Variants in PCCA observed in about 807,000 individuals in gnomAD.
The protein encoded by PCCA is propionyl-CoA carboxylase subunit alpha.
A neutral mutation model predicts 101.3 loss-of-function variants in PCCA; 74 were observed. The ratio of observed to expected loss-of-function variants is 0.73; its 90% CI spans 0.61 to 0.89. The LOEUF is 0.89. Among genes scored for constraint, PCCA ranks in the 40% least tolerant of loss-of-function variants. The probability of loss-of-function intolerance (pLI) is 0.00; values close to 1 mark genes in which losing one functional copy is unlikely to be tolerated. For missense variants in PCCA, 891 were observed against 907.0 expected (o/e 0.98, Z 0.23); for synonymous variants, 294 against 313.6 (o/e 0.94, Z 0.66).
At chr13:100,486,616 C>T (rs1596129820) in intron 21 of PCCA, among the ~76,000 whole-genome samples, 2 of 152,244 alleles carry the variant, frequency 1.3e-5, no homozygotes, top group East Asian at 3.9e-4. Flanking sequence ...CTTTGTTTTA[C>T]AAACACAAAG....
intron 4 of PCCA, among the ~76,000 whole-genome samples, chr13:100,130,976 T>C (rs1270971333): frequency 6.6e-6 from 1 of 152,204 alleles, no homozygotes; most frequent in Non-Finnish European, 1.5e-5. Flanking sequence ...TGTGGTAAAG[T>C]ATACATAACA....
intron 18 of PCCA, among the ~76,000 whole-genome samples, chr13:100,356,723 A>C (rs1336155031): frequency 6.6e-6 from 1 of 152,222 alleles, no homozygotes; most frequent in African/African-American, 2.4e-5. Flanking sequence ...GTATATACCC[A>C]AGGGAAATGA....
chr13:100,296,847 A>T (rs1013534083), intron 12 of PCCA, among the ~76,000 whole-genome samples: 3 of 152,180 alleles, frequency 2.0e-5, no homozygotes, highest in Non-Finnish European at 4.4e-5. Flanking sequence ...TTTAGGGACT[A>T]TATTCAAATT....
In PCCA at chr13:100,287,187, T is replaced by A. The variant is rs575906831; in HGVS notation, c.1065+13841T>A. 3.3e-5 allele frequency among the ~76,000 whole-genome samples: 5 copies of A among 152,276 alleles called. No homozygotes were observed. In the East Asian group the frequency reaches 9.6e-4, roughly 29 times the overall value. On this transcript the variant is annotated intron_variant, in intron 12 of 23. Coordinates refer to ENST00000376285, the MANE Select transcript of PCCA (RefSeq NM_000282.4). ...ACCTATTACTTCACTCTTCTTTTTT[T>A]AATTTTTCTGCTTATTCATCTCCTA...
chr13:100,390,316 G>A (rs996990880), intron 19 of PCCA, among the ~76,000 whole-genome samples: 5 of 152,114 alleles, frequency 3.3e-5, no homozygotes, highest in Non-Finnish European at 5.9e-5. Context: ...GAGAGGTTAC[G>A]TCTAGAGAAA....
intron 23 of PCCA, 71 bp downstream of exon 23, chr13:100,527,823 T>C: frequency 8.6e-7 from 1 of 1,157,884 alleles, no homozygotes; most frequent in Non-Finnish European, 1.3e-6. Context: ...GAATCGTGGG[T>C]GGTTTGGCTG....
At chr13:100,098,938 G>T (rs1659079589) in intron 1 of PCCA, among the ~76,000 whole-genome samples, 1 of 152,164 alleles carries the variant, frequency 6.6e-6, no homozygotes. Flanking sequence ...AAGGGCATGG[G>T]CTCTGTTACA....
At chr13:100,478,011 G>A (rs1046019277) in intron 21 of PCCA, among the ~76,000 whole-genome samples, 7 of 152,216 alleles carry the variant, frequency 4.6e-5, no homozygotes, top group Non-Finnish European at 7.3e-5. Context: ...TGGCGAGCTC[G>A]AGCTAATCGG....
chr13:100,446,124 A>G (rs2080810629), intron 20 of PCCA, among the ~76,000 whole-genome samples: 1 of 151,972 alleles, frequency 6.6e-6, no homozygotes, highest in Admixed American at 6.6e-5. Flanking sequence ...TGCAACCTCC[A>G]ACTCCCAGGT....
intron 19 of PCCA, among the ~76,000 whole-genome samples, chr13:100,397,723 T>C (rs1217465553): frequency 6.6e-6 from 1 of 152,198 alleles, no homozygotes; most frequent in Non-Finnish European, 1.5e-5. Flanking sequence ...ATATTTATTG[T>C]GGCAGCGTGG....
At chr13:100,204,998 CTT>C (rs1355009543) in intron 6 of PCCA, among the ~76,000 whole-genome samples, 1 of 151,842 alleles carries the variant, frequency 6.6e-6, no homozygotes, top group Non-Finnish European at 1.5e-5. Context: ...AAAATGCCCA[CTT>C]TTTGTGATCA....
At chr13:100,376,297 G>C (rs1365311648) in intron 19 of PCCA, among the ~76,000 whole-genome samples, 1 of 152,212 alleles carries the variant, frequency 6.6e-6, no homozygotes, top group Non-Finnish European at 1.5e-5. Flanking sequence ...CCCTGCGGGG[G>C]GGTGTCTCCC....
chr13:100,106,008 CCTTTAATT>C (rs2047762037), intron 2 of PCCA, among the ~76,000 whole-genome samples: 1 of 152,014 alleles, frequency 6.6e-6, no homozygotes, highest in Non-Finnish European at 1.5e-5. Context: ...ATGTAGTTGG[CCTTTAATT>C]CTTTACCTTT....
chr13:100,237,605 T>C (rs1441464787), intron 8 of PCCA: 2 of 152,202 alleles, frequency 1.3e-5, no homozygotes, highest in Non-Finnish European at 2.9e-5. Context: ...CTACTGGCTT[T>C]TGAGGATAGT....
At chr13:100,129,226 T>G (rs1459143338) in intron 4 of PCCA, among the ~76,000 whole-genome samples, 1 of 152,218 alleles carries the variant, frequency 6.6e-6, no homozygotes, top group Non-Finnish European at 1.5e-5. Flanking sequence ...CTATCTTCAC[T>G]TCGTTATTGC....
intron 8 of PCCA, chr13:100,237,161 G>C (rs2060850060): frequency 6.6e-6 from 1 of 152,236 alleles, no homozygotes; most frequent in Non-Finnish European, 1.5e-5. Flanking sequence ...GTGATCACTT[G>C]TACTAGTAAG....
intron 6 of PCCA, among the ~76,000 whole-genome samples, chr13:100,201,071 C>A (rs1475212298): frequency 1.3e-5 from 2 of 151,986 alleles, no homozygotes; most frequent in Non-Finnish European, 2.9e-5. Context: ...ATGTTAATAC[C>A]ACTACCAATA....
chr13:100,105,787 A>C (rs1566477404), intron 2 of PCCA, among the ~76,000 whole-genome samples: 1 of 131,040 alleles, frequency 7.6e-6, no homozygotes, highest in Non-Finnish European at 1.5e-5. Flanking sequence ...GGCTTCAGTG[A>C]GCCATGATTG....
At chr13:100,253,068 G>A (rs1419766015) in intron 8 of PCCA, among the ~76,000 whole-genome samples, 1 of 152,178 alleles carries the variant, frequency 6.6e-6, no homozygotes, top group African/African-American at 2.4e-5. Flanking sequence ...TTTTCAAGGA[G>A]CAGTAACCCT....
Sources: gnomAD v4.1 joint callset for allele counts (sites outside exome capture counted in the v4.1 genomes callset) on GRCh38, gnomAD v4.1.1 for gene constraint, MANE v1.5 for transcripts, NCBI Gene and HGNC (gene_info 2026-07-23, HGNC 2026-07-21) for gene names.